Variants in SOX5 observed in about 807,000 individuals in gnomAD.
The protein encoded by SOX5 is SRY-box transcription factor 5.
A neutral mutation model predicts 92.0 loss-of-function variants in SOX5; 9 were observed. That is an observed-to-expected ratio of 0.10 (90% CI 0.06 to 0.17). The LOEUF (loss-of-function observed/expected upper bound fraction) is 0.17, where lower values mean the gene tolerates loss of function less well. Among genes scored for constraint, SOX5 ranks in the 10% least tolerant of loss-of-function variants. The pLI is 1.00. For synonymous variants in SOX5, 344 were observed against 336.3 expected (o/e 1.02, Z -0.25); for missense variants, 642 against 944.5 (o/e 0.68, Z 4.20).
intron 8 of SOX5, among the ~76,000 whole-genome samples, chr12:23,611,369 C>CAT (rs781526163): frequency 1.5e-5 from 2 of 137,094 alleles, no homozygotes; most frequent in South Asian, 2.5e-4. Context: ...TGTGTGTGTG[C>CAT]GTGTGTGTGT....
chr12:24,176,556 T>C (rs960291041), intron 4 of SOX5, among the ~76,000 whole-genome samples: 2 of 152,178 alleles, frequency 1.3e-5, no homozygotes, highest in Admixed American at 1.3e-4. Context: ...CCCGCTACAA[T>C]GAGCAAATTG....
intron 2 of SOX5, among the ~76,000 whole-genome samples, chr12:24,347,580 A>G (rs1953466690): frequency 6.6e-6 from 1 of 152,216 alleles, no homozygotes. Context: ...TTAAATAATG[A>G]CATTTTCATC....
chr12:23,842,447 C>T (rs910990064), intron 3 of SOX5, among the ~76,000 whole-genome samples: 10 of 152,046 alleles, frequency 6.6e-5, no homozygotes, highest in African/African-American at 2.4e-4. Flanking sequence ...TTAGTACACA[C>T]ACATGTATTT....
intron 3 of SOX5, among the ~76,000 whole-genome samples, chr12:23,835,921 C>T (rs1355782306): frequency 6.6e-6 from 1 of 151,684 alleles, no homozygotes; most frequent in African/African-American, 2.4e-5. Context: ...ATATTGAGAT[C>T]ATGTGAATGG....
intron 4 of SOX5, among the ~76,000 whole-genome samples, chr12:23,963,728 G>A (rs1947225518): frequency 7.4e-6 from 1 of 135,304 alleles, no homozygotes; most frequent in South Asian, 2.5e-4. Flanking sequence ...GGGGTCCTGA[G>A]TCTAGTATAC....
chr12:23,962,590 G>A (rs980095619), intron 4 of SOX5, among the ~76,000 whole-genome samples: 2 of 152,018 alleles, frequency 1.3e-5, no homozygotes, highest in African/African-American at 4.8e-5. Flanking sequence ...ATAACATAAC[G>A]GAACTCTTTA....
chr12:23,758,464 G>A (rs2094468259), intron 3 of SOX5, among the ~76,000 whole-genome samples: 1 of 151,692 alleles, frequency 6.6e-6, no homozygotes, highest in African/African-American at 2.4e-5. Context: ...TATTTAGAGG[G>A]CTAAGGGCTA....
intron 9 of SOX5, among the ~76,000 whole-genome samples, chr12:23,595,968 T>C (rs535615351): frequency 6.6e-6 from 1 of 152,282 alleles, no homozygotes; most frequent in African/African-American, 2.4e-5. Flanking sequence ...GACAATGCTG[T>C]CTCATTAACT....
chr12:23,860,973 A>C (rs1035119147), intron 2 of SOX5, among the ~76,000 whole-genome samples: 15 of 149,638 alleles, frequency 1.0e-4, no homozygotes, highest in Non-Finnish European at 1.9e-4. Context: ...AAAAAAAAAA[A>C]AAAAACCCTG....
At chr12:24,061,661 A>G (rs1310655412) in intron 4 of SOX5, among the ~76,000 whole-genome samples, 1 of 152,126 alleles carries the variant, frequency 6.6e-6, no homozygotes, top group Non-Finnish European at 1.5e-5. Flanking sequence ...CCAAAAGTCT[A>G]AAGTCAGTAA....
intron 1 of SOX5, among the ~76,000 whole-genome samples, chr12:24,459,318 C>G (rs1017386499): frequency 1.1e-4 from 16 of 152,066 alleles, no homozygotes. Flanking sequence ...ACAAGGTAAC[C>G]TAGACACACC....
intron 2 of SOX5, among the ~76,000 whole-genome samples, chr12:24,311,066 A>T (rs547538397): frequency 3.3e-5 from 5 of 152,228 alleles, no homozygotes; most frequent in Non-Finnish European, 5.9e-5. Context: ...TCATAAAAAA[A>T]TTCCAACCTA....
intron 4 of SOX5, among the ~76,000 whole-genome samples, chr12:23,744,960 A>C (rs932292016): frequency 6.6e-6 from 1 of 152,190 alleles, no homozygotes; most frequent in Admixed American, 6.6e-5. Context: ...CGGTCTGTAC[A>C]TACCCATGTC....
intron 4 of SOX5, among the ~76,000 whole-genome samples, chr12:23,753,652 C>CA (rs1160572906): frequency 6.6e-6 from 1 of 151,758 alleles, no homozygotes; most frequent in African/African-American, 2.4e-5. Context: ...TTATTTGCCT[C>CA]AAAAAATAAC....
At chr12:23,677,269 C>T (rs903916072) in intron 6 of SOX5, among the ~76,000 whole-genome samples, 6 of 152,052 alleles carry the variant, frequency 3.9e-5, no homozygotes, top group African/African-American at 1.4e-4. Flanking sequence ...TCATTAGATG[C>T]AGAGAAATAA....
intron 11 of SOX5, among the ~76,000 whole-genome samples, chr12:23,562,707 C>G (rs750612750): frequency 1.3e-5 from 2 of 152,114 alleles, no homozygotes; most frequent in Non-Finnish European, 2.9e-5. Flanking sequence ...TTTCACTGGC[C>G]TTAGTTATAA....
rs1247223087 is a variant in SOX5, at chr12:23,979,142, T to TTA, written c.-1-83120_-1-83119dup. 3.9e-5 allele frequency among the ~76,000 whole-genome samples: 6 copies of TTA among 152,172 alleles called. No individual in the cohort carries two copies. In the East Asian group the frequency reaches 1.2e-3, roughly 29 times the overall value. On this transcript the variant is annotated intron_variant, in intron 4 of 4. Transcript: ENST00000446891. ...TTTTTTAATTAATTATGAGGGTTATTTATATTGTTTGGTTGCTTTATTTAG... is the reference window on the plus strand; with the variant it reads ...TTTTTTAATTAATTATGAGGGTTATTTATATATTGTTTGGTTGCTTTATTTAG...
chr12:23,692,820 C>T (rs908253446), intron 6 of SOX5, among the ~76,000 whole-genome samples: 2 of 152,170 alleles, frequency 1.3e-5, no homozygotes, highest in African/African-American at 2.4e-5. Flanking sequence ...CTGAGGTTCT[C>T]TCAAGCTGAC....
At chr12:23,586,397 T>C (rs1950749475) in intron 9 of SOX5, among the ~76,000 whole-genome samples, 1 of 152,036 alleles carries the variant, frequency 6.6e-6, no homozygotes, top group Admixed American at 6.6e-5. Flanking sequence ...TTTAAGGCAA[T>C]GTAAGTGACT....
Sources: allele counts gnomAD v4.1 joint callset (sites outside exome capture counted in the v4.1 genomes callset), GRCh38; gene constraint gnomAD v4.1.1; transcripts MANE v1.5; gene names NCBI Gene and HGNC (gene_info 2026-07-23, HGNC 2026-07-21).